The following SMARCA5 variants were observed in gnomAD, a reference collection of about 807,000 sequenced individuals.
SMARCA5 encodes the protein SWI/SNF-related matrix-associated actin-dependent regulator of chromatin subfamily A member 5.
Under a neutral mutation model 140.4 loss-of-function variants are expected in SMARCA5, and 18 were observed. The observed-to-expected ratio is 0.13, with a 90% CI of 0.09 to 0.19. The LOEUF is 0.19. Ranked by LOEUF, SMARCA5 falls within the 10% of genes least tolerant of loss-of-function variation. The probability of loss-of-function intolerance (pLI) is 1.00; values close to 1 mark genes in which losing one functional copy is unlikely to be tolerated. For missense variants in SMARCA5, 606 were observed against 1,276.8 expected, an observed-to-expected ratio of 0.47 and a Z score of 8.01; for synonymous variants, 449 against 419.6, an observed-to-expected ratio of 1.07 and a Z score of -0.86.
chr4:143,518,469 T>TA (rs1366530616), intron 2 of SMARCA5, among the ~76,000 whole-genome samples: 3 of 152,192 alleles, frequency 2.0e-5, no homozygotes, highest in African/African-American at 7.2e-5. Context: ...AACAGTGTCT[T>TA]AATCTTTCTT....
intron 18 of SMARCA5, 64 bp from the exon 19 acceptor site, chr4:143,545,861 T>C (rs1737513508): frequency 5.8e-6 from 8 of 1,387,758 alleles, no homozygotes; most frequent in Non-Finnish European, 8.0e-6. Context: ...AAATGTCAGT[T>C]AGTTGGTTCA....
rs192712767 is a variant in SMARCA5 at position 143,532,521 on chromosome 4, C to G, written c.1158+1995C>G. On this transcript the variant is annotated intron_variant, in intron 9 of 23. Transcript: ENST00000283131. Reference sequence around the variant, plus strand: ...GAGAAGAGGTCTTGTAGCTACCTCTCTACTTTCTCCTGCTCTTTACTTTGA... The same window carrying G: ...GAGAAGAGGTCTTGTAGCTACCTCTGTACTTTCTCCTGCTCTTTACTTTGA... 1.9e-3 allele frequency among the ~76,000 whole-genome samples: 296 copies of G among 152,304 alleles called. 2 individuals are homozygous for G. The highest frequency in any genetic ancestry group is 6.7e-3 in the African/African-American group (279 of 41,570).
chr4:143,526,477 T>A lies in SMARCA5; in HGVS notation c.801+17T>A. ...GAACAAAGAGTAAGTTTCTAGTATT[T>A]CATTACATTTTTGAGGCTAAAATAA... On this transcript the variant is annotated intron_variant, in intron 6 of 23. Coordinates refer to ENST00000283131, the MANE Select transcript of SMARCA5 (RefSeq NM_003601.4). 6.4e-7 allele frequency: 1 copy of A among 1,558,260 alleles called. No homozygotes were observed. Among genetic ancestry groups the A allele is most frequent in the South Asian group, 1.1e-5 (1 of 88,408 alleles).
chr4:143,524,492 T>G lies in SMARCA5; in HGVS notation c.520+25T>G, dbSNP rs960704726. 4 of 1,505,374 alleles carry G rather than the reference T, an allele frequency of 2.7e-6. No individual in the cohort carries two copies. The African/African-American group carries it at 5.6e-5, about 21-fold the overall frequency. 93.3% of individuals were successfully genotyped at this position (1,505,374 alleles called of 1,614,324 possible). On this transcript the variant is annotated intron_variant, in intron 4 of 23. Transcript: ENST00000283131. ...TGTATGTTAAACACACTTGATTTTT[T>G]TAAAAAATTGCCCTTTGAGATCTCC...
At chr4:143,518,209 G>A (rs1016146514) in intron 2 of SMARCA5, among the ~76,000 whole-genome samples, 1 of 152,076 alleles carries the variant, frequency 6.6e-6, no homozygotes, top group Non-Finnish European at 1.5e-5. Flanking sequence ...CCCAGTTCAC[G>A]TTCCGTATCT....
rs535496187 is a variant in SMARCA5, at chr4:143,556,959, T to A, written c.*3775T>A. On this transcript the variant is annotated 3_prime_UTR_variant, in exon 24 of 24. Transcript: ENST00000283131. Reference sequence around the variant, plus strand: ...AAAAAAATGAAGAAGTGGAATAGTTTCTCCACAGGCATAAGAGGCAAAGCA... The same window carrying A: ...AAAAAAATGAAGAAGTGGAATAGTTACTCCACAGGCATAAGAGGCAAAGCA... 5.1e-4 allele frequency: 78 copies of A among 152,238 alleles called. No homozygotes were observed. Among genetic ancestry groups the A allele is most frequent in the African/African-American group, 1.8e-3 (75 of 41,542 alleles). 9.4% of individuals were successfully genotyped at this position (152,238 alleles called of 1,614,324 possible).
In SMARCA5 at chr4:143,545,720, A is replaced by C. The variant is rs887071074; in HGVS notation, c.2397+137A>C. ...TTAGCCTAGTCTAGTTGTATGTATGAAATACATAAACTTGGGTCTGTTTTT... is the reference window on the plus strand; with the variant it reads ...TTAGCCTAGTCTAGTTGTATGTATGCAATACATAAACTTGGGTCTGTTTTT... On this transcript the variant is annotated intron_variant, in intron 18 of 23. Coordinates refer to ENST00000283131, the MANE Select transcript of SMARCA5 (RefSeq NM_003601.4). 3 of 779,098 alleles carry C rather than the reference A, an allele frequency of 3.9e-6. No homozygotes were observed. The African/African-American group carries it at 5.2e-5, about 14-fold the overall frequency. The allele number at this position is 779,098 out of a possible 1,614,324, so 48.3% of individuals were successfully genotyped here.
chr4:143,547,072 G>A (rs541673712), intron 20 of SMARCA5, among the ~76,000 whole-genome samples, 164 bp downstream of exon 20: 64 of 152,210 alleles, frequency 4.2e-4, no homozygotes, highest in African/African-American at 1.3e-3. Flanking sequence ...CAGAAATGGC[G>A]TAATGGTTTC....
At chr4:143,531,593 A>G (rs1311565005) in intron 9 of SMARCA5, among the ~76,000 whole-genome samples, 2 of 152,212 alleles carry the variant, frequency 1.3e-5, no homozygotes, top group African/African-American at 2.4e-5. Flanking sequence ...TGGCAGTAGT[A>G]ACATTCCTCC....
In SMARCA5 at chr4:143,517,445, G is replaced by A; in HGVS notation, c.252+16G>A. Reference sequence around the variant, plus strand: ...AGAAAAAATGGTATGTTCTAGGCTTGTGAATAGAGTCTATAAGGAAAACTT... The same window carrying A: ...AGAAAAAATGGTATGTTCTAGGCTTATGAATAGAGTCTATAAGGAAAACTT... On this transcript the variant is annotated intron_variant, in intron 2 of 23. Transcript: ENST00000283131. 1.3e-6 allele frequency: 2 copies of A among 1,532,530 alleles called. No individual in the cohort carries two copies. The highest frequency in any genetic ancestry group is 1.4e-5 in the African/African-American group (1 of 72,240). The allele number at this position is 1,532,530 out of a possible 1,614,324, so 94.9% of individuals were successfully genotyped here.
At chr4:143,551,720 T>C (rs4834996) in intron 23 of SMARCA5, among the ~76,000 whole-genome samples, 81,516 of 151,854 alleles carry the variant, frequency 0.54, 22,224 homozygotes, top group Middle Eastern at 0.64. Flanking sequence ...GTATGGACTT[T>C]ACGGACTTAT....
At chr4:143,539,310 G>A (rs926896977) in intron 13 of SMARCA5, among the ~76,000 whole-genome samples, 1 of 152,180 alleles carries the variant, frequency 6.6e-6, no homozygotes, top group African/African-American at 2.4e-5. Flanking sequence ...GACTGCAAGG[G>A]AATTGGTAAA....
intron 9 of SMARCA5, among the ~76,000 whole-genome samples, 168 bp from the exon 10 acceptor site, chr4:143,534,687 C>T (rs990312544): frequency 6.6e-6 from 1 of 152,040 alleles, no homozygotes; most frequent in African/African-American, 2.4e-5. Context: ...ACTAGTCTCC[C>T]ACAGATACTG....
intron 1 of SMARCA5, among the ~76,000 whole-genome samples, chr4:143,514,902 G>A (rs1578787741): frequency 6.6e-6 from 1 of 152,234 alleles, no homozygotes; most frequent in African/African-American, 2.4e-5. Flanking sequence ...TCGCTGCCGA[G>A]ACTTATGGGT....
At chr4:143,538,552 T>C (rs774682204) in intron 11 of SMARCA5, 38 bp from the exon 12 acceptor site, 9 of 1,584,788 alleles carry the variant, frequency 5.7e-6, no homozygotes, top group Non-Finnish European at 8.6e-7. Context: ...TTTCTACTTT[T>C]GAAGCCACTG....
At chr4:143,528,152 A>G in intron 7 of SMARCA5, 129 bp downstream of exon 7, 3 of 652,980 alleles carry the variant, frequency 4.6e-6, no homozygotes, top group Non-Finnish European at 7.3e-6. Flanking sequence ...ATAGGTATGC[A>G]TGTGCCATGG....
chr4:143,546,042 A>G lies in SMARCA5; in HGVS notation c.2515A>G (p.Thr839Ala). 4 of 1,601,466 alleles carry G rather than the reference A, an allele frequency of 2.5e-6. No individual in the cohort carries two copies. The highest frequency in any genetic ancestry group is 3.4e-6 in the Non-Finnish European group (4 of 1,175,614). Residue 839 changes from threonine (T) to alanine (A), a missense_variant, in exon 19 of 24, where the codon ACA (threonine) becomes GCA (alanine). By Grantham distance (58) the Thr-to-Ala change is moderately conservative (BLOSUM62 0). Coordinates refer to ENST00000283131, the MANE Select transcript of SMARCA5 (RefSeq NM_003601.4). The stretch of plus-strand genomic sequence containing the variant: ...GTTAGAGGAAAAAGAGAAGCTTCTA[A>G]CACAGGTATAGCCTTTAATCAGTAC... ...EELEEKEKLL[T>A]QGFTNWNKRD...
chr4:143,524,398 G>A lies in SMARCA5; in HGVS notation c.451G>A (p.Asp151Asn). ...ACACCGTAGAACAGAGCAAGAGGAG[G>A]ATGAAGAGCTATTAACAGAAAGCTC... is the stretch of plus-strand genomic sequence containing the variant. ...YRHRRTEQEE[D>N]EELLTESSKA... The change falls in exon 4 of 24, where the codon GAT (aspartate) becomes AAT (asparagine). Residue 151 changes from aspartate to asparagine, a missense_variant. Around this residue, in one of 10 missense-constraint regions of SMARCA5, gnomAD observed 110 missense variants for 287.7 expected, o/e 0.38. Coordinates refer to ENST00000283131, the MANE Select transcript of SMARCA5 (RefSeq NM_003601.4). The A allele has an allele frequency of 6.2e-7, 1 of 1,612,924 alleles. No homozygotes were observed. Among genetic ancestry groups the A allele is most frequent in the Non-Finnish European group, 8.5e-7 (1 of 1,179,348 alleles).
At chr4:143,537,787 A>G (rs1051153529) in intron 11 of SMARCA5, among the ~76,000 whole-genome samples, 2 of 151,952 alleles carry the variant, frequency 1.3e-5, no homozygotes, top group African/African-American at 4.8e-5. Flanking sequence ...GCATGGTGGC[A>G]TGCACCTGTA....
Sources: gnomAD v4.1 joint callset for allele counts (sites outside exome capture counted in the v4.1 genomes callset) on GRCh38, gnomAD v4.1.1 for gene constraint, gnomAD v4.1.1 regional missense constraint, MANE v1.5 for transcripts, NCBI Gene and HGNC (gene_info 2026-07-23, HGNC 2026-07-21) for gene names.